MGMT: variants seen among roughly 807,000 people sequenced by gnomAD.
The protein encoded by MGMT is methylated-DNA--protein-cysteine methyltransferase.
In MGMT, 14 loss-of-function variants were observed where a neutral mutation model predicts 15.9. The observed-to-expected ratio is 0.88, with a 90% CI of 0.58 to 1.37. The LOEUF (loss-of-function observed/expected upper bound fraction) is 1.37. Among genes scored for constraint, MGMT ranks in the 40% most tolerant of loss-of-function variants. The pLI, the probability that MGMT is intolerant of heterozygous loss-of-function variation, is 0.00. For synonymous variants in MGMT, 130 were observed against 118.2 expected, an observed-to-expected ratio of 1.10 and a Z score of -0.65; for missense variants, 282 against 268.1, an observed-to-expected ratio of 1.05 and a Z score of -0.36.
chr10:129,737,554 C>A (rs975742472), intron 3 of MGMT, among the ~76,000 whole-genome samples: 1 of 152,192 alleles, frequency 6.6e-6, no homozygotes, highest in Non-Finnish European at 1.5e-5. Flanking sequence ...TCTCTCAACT[C>A]GTCAAAGTCA....
intron 2 of MGMT, among the ~76,000 whole-genome samples, chr10:129,626,999 G>A (rs927624393): frequency 6.6e-6 from 1 of 152,172 alleles, no homozygotes; most frequent in Non-Finnish European, 1.5e-5. Flanking sequence ...CCTCTGAGGG[G>A]ACGGAGGCAG....
chr10:129,603,899 T>C (rs1846854725), intron 2 of MGMT, among the ~76,000 whole-genome samples: 1 of 152,226 alleles, frequency 6.6e-6, no homozygotes, highest in South Asian at 2.1e-4. Context: ...TTGAAGATAT[T>C]AACCCTGTGC....
intron 3 of MGMT, among the ~76,000 whole-genome samples, chr10:129,742,244 C>T (rs1021537050): frequency 2.0e-5 from 3 of 152,190 alleles, no homozygotes; most frequent in Non-Finnish European, 4.4e-5. Context: ...CCAGAAACTC[C>T]CTTTTTTCTT....
chr10:129,571,037 A>G (rs756005191), intron 2 of MGMT, among the ~76,000 whole-genome samples: 39 of 152,190 alleles, frequency 2.6e-4, no homozygotes, highest in Non-Finnish European at 2.8e-4. Flanking sequence ...AATGGCATCA[A>G]TACACTTAAG....
chr10:129,535,256 G>C (rs1303104149), intron 1 of MGMT, among the ~76,000 whole-genome samples: 1 of 152,210 alleles, frequency 6.6e-6, no homozygotes, highest in Non-Finnish European at 1.5e-5. Flanking sequence ...GGCAATGGGA[G>C]GACAGAGGTA....
intron 1 of MGMT, among the ~76,000 whole-genome samples, chr10:129,505,908 T>A (rs1387665569): frequency 6.6e-6 from 1 of 151,798 alleles, no homozygotes; most frequent in Non-Finnish European, 1.5e-5. Flanking sequence ...GGTAGTTTGA[T>A]CCCTTCGGTC....
chr10:129,758,148 G>A (rs902455663), intron 3 of MGMT, among the ~76,000 whole-genome samples: 6 of 152,126 alleles, frequency 3.9e-5, no homozygotes, highest in Admixed American at 6.5e-5. Context: ...AGTGATTATC[G>A]TTCCCTTCAG....
chr10:129,589,472 C>T (rs1485451323), intron 2 of MGMT, among the ~76,000 whole-genome samples: 1 of 152,232 alleles, frequency 6.6e-6, no homozygotes. Context: ...CATTGTGGCT[C>T]ACATGACATG....
At chr10:129,644,534 C>A (rs1847364056) in intron 2 of MGMT, among the ~76,000 whole-genome samples, 2 of 152,050 alleles carry the variant, frequency 1.3e-5, no homozygotes, top group South Asian at 4.1e-4. Flanking sequence ...GCCCCATGAG[C>A]CCATCCAGAG....
At chr10:129,513,492 G>C (rs1230657860) in intron 1 of MGMT, among the ~76,000 whole-genome samples, 1 of 152,156 alleles carries the variant, frequency 6.6e-6, no homozygotes, top group Non-Finnish European at 1.5e-5. Context: ...GGCGACCCCT[G>C]GCTGCTGGCA....
chr10:129,520,301 C>A (rs1845788415), intron 1 of MGMT, among the ~76,000 whole-genome samples: 1 of 152,162 alleles, frequency 6.6e-6, no homozygotes, highest in Non-Finnish European at 1.5e-5. Context: ...GCAGACAGGA[C>A]CCAGAGGAGG....
intron 2 of MGMT, among the ~76,000 whole-genome samples, chr10:129,611,781 G>A (rs1846964002): frequency 1.3e-5 from 2 of 152,224 alleles, no homozygotes; most frequent in Admixed American, 6.5e-5. Context: ...TCTCCCTCGA[G>A]AGCAGCGGTG....
chr10:129,766,739 C>G, intron 4 of MGMT, 49 bp from the exon 5 acceptor site: 1 of 1,545,212 alleles, frequency 6.5e-7, no homozygotes, highest in South Asian at 1.2e-5. Context: ...CCCCAAAGAC[C>G]TCGTTGTCCA....
At chr10:129,488,838 C>T (rs12252212) in intron 1 of MGMT, among the ~76,000 whole-genome samples, 7,210 of 152,174 alleles carry the variant, frequency 0.047, 603 homozygotes, top group African/African-American at 0.16. Flanking sequence ...GGCTCTGCAG[C>T]GGCTTCACTG....
chr10:129,612,120 C>T lies in MGMT; in HGVS notation c.125+75743C>T, dbSNP rs138098150. On this transcript the variant is annotated intron_variant, in intron 2 of 4. Coordinates refer to ENST00000651593, the MANE Select transcript of MGMT (RefSeq NM_002412.5). ...ACCTTGAAGTCCAGGGGACTTCCAG[C>T]TTATAGGTAGATTTAAAAATCTCCT... is the stretch of plus-strand genomic sequence containing the variant. Among the ~76,000 whole-genome samples the T allele has an allele frequency of 2.3e-3, 357 of 152,216 alleles. 2 individuals carry two copies. The highest frequency in any genetic ancestry group is 8.2e-3 in the African/African-American group (340 of 41,534).
chr10:129,731,104 CATA>C (rs1848491247), intron 3 of MGMT, among the ~76,000 whole-genome samples: 1 of 152,146 alleles, frequency 6.6e-6, no homozygotes, highest in African/African-American at 2.4e-5. Context: ...GGGCTGGTAG[CATA>C]ATCTGGCCTC....
At chr10:129,720,227 C>T (rs1848353535) in intron 3 of MGMT, among the ~76,000 whole-genome samples, 1 of 152,226 alleles carries the variant, frequency 6.6e-6, no homozygotes, top group African/African-American at 2.4e-5. Context: ...ATTTCTTCTC[C>T]CTACTCACTG....
rs534222581 is a variant in MGMT at position 129,686,868 on chromosome 10, C to G, written c.126-21027C>G. ...GCTTGCCCTGGGCCTGCAGCTGTTG[C>G]CAGCATCTTCTGTCAGCTGATCTGG... is the stretch of plus-strand genomic sequence containing the variant. On this transcript the variant is annotated intron_variant, in intron 2 of 4. Coordinates refer to ENST00000651593, the MANE Select transcript of MGMT (RefSeq NM_002412.5). 4.6e-5 allele frequency among the ~76,000 whole-genome samples: 7 copies of G among 152,294 alleles called. No homozygotes were observed. In the South Asian group the frequency reaches 1.4e-3, roughly 32 times the overall value.
At chr10:129,690,711 A>G (rs1000074420) in intron 2 of MGMT, among the ~76,000 whole-genome samples, 2 of 152,174 alleles carry the variant, frequency 1.3e-5, no homozygotes, top group Non-Finnish European at 2.9e-5. Context: ...TAAGAGGAGG[A>G]AAGTCCCAGG....
Sources: gnomAD v4.1 joint callset for allele counts (sites outside exome capture counted in the v4.1 genomes callset) on GRCh38, gnomAD v4.1.1 for gene constraint, MANE v1.5 for transcripts, NCBI Gene and HGNC (gene_info 2026-07-23, HGNC 2026-07-21) for gene names.